Variants in TIAL1 observed in about 807,000 individuals in gnomAD.
TIAL1 encodes the protein TIA1 cytotoxic granule associated RNA binding protein like 1, also known as nucleolysin TIAR.
A neutral mutation model predicts 59.7 loss-of-function variants in TIAL1; 7 were observed. That is an observed-to-expected ratio of 0.12 (90% CI 0.07 to 0.22). The LOEUF (loss-of-function observed/expected upper bound fraction) is 0.22, where lower values mean the gene tolerates loss of function less well. Among genes scored for constraint, TIAL1 ranks in the 10% least tolerant of loss-of-function variants. The pLI, the probability that TIAL1 is intolerant of heterozygous loss-of-function variation, is 1.00. For synonymous variants in TIAL1, 149 were observed against 146.3 expected (o/e 1.02, Z -0.13); for missense variants, 225 against 462.5 (o/e 0.49, Z 4.71).
At chr10:119,594,884 A>G (rs1036108485) in intron 1 of TIAL1, among the ~76,000 whole-genome samples, 1 of 152,160 alleles carries the variant, frequency 6.6e-6, no homozygotes, top group Admixed American at 6.5e-5. Context: ...CGGCCTCCCA[A>G]AGTGCTGGGA....
intron 2 of TIAL1, among the ~76,000 whole-genome samples, chr10:119,584,483 G>A (rs546723889): frequency 1.9e-4 from 29 of 152,182 alleles, no homozygotes; most frequent in Admixed American, 4.6e-4. Context: ...CTCTGCTAGA[G>A]TTTATACCCT....
intron 5 of TIAL1, chr10:119,580,296 T>C: frequency 2.9e-6 from 1 of 344,092 alleles, no homozygotes; most frequent in Non-Finnish European, 5.0e-6. Flanking sequence ...CCCTTTCTAA[T>C]ATTCTATTTA....
At chr10:119,593,503 C>T in intron 1 of TIAL1, 1 of 985,756 alleles carries the variant, frequency 1.0e-6, no homozygotes, top group Middle Eastern at 5.2e-4. Context: ...TATGTCTTAG[C>T]TTGTGTGTGT....
rs199679065 is a variant in TIAL1 at position 119,592,680 on chromosome 10, TATTTC to T, written c.32+3749_32+3753del. 6.7e-4 allele frequency among the ~76,000 whole-genome samples: 102 copies of T among 152,278 alleles called. No individual in the cohort carries two copies. In the East Asian group the frequency reaches 0.019, roughly 29 times the overall value. ...TTAATTGTTCAATTTGTCGGTACAG[TATTTC>T]ATTTTAGGAAGGAGGCATGATGGAA... On this transcript the variant is annotated intron_variant, in intron 1 of 11. Coordinates refer to ENST00000436547, the MANE Select transcript of TIAL1 (RefSeq NM_003252.4).
chr10:119,596,763 A>AG lies in TIAL1; in HGVS notation c.-299dup. On this transcript the variant is annotated 5_prime_UTR_variant, in exon 1 of 12. Coordinates refer to ENST00000436547, the MANE Select transcript of TIAL1 (RefSeq NM_003252.4). ...CTCAGGCCAGCCGCGACAGCCTGCA[A>AG]GGGGGACGACCGAGGGGAGAGAAAA... The AG allele has an allele frequency of 2.0e-6, 1 of 497,228 alleles. No homozygotes were observed. Among genetic ancestry groups the AG allele is most frequent in the Non-Finnish European group, 3.6e-6 (1 of 276,524 alleles). 30.8% of individuals were successfully genotyped at this position (497,228 alleles called of 1,614,324 possible).
rs182615251 is a variant in TIAL1, at chr10:119,584,173, G to A, written c.130-1616C>T. On this transcript the variant is annotated intron_variant, in intron 2 of 11. Transcript: ENST00000436547. ...GCCAGCTCCCAATCAATGTATGCAC[G>A]TGCATGTATATATACACATATATTC... Among the ~76,000 whole-genome samples the A allele has an allele frequency of 9.8e-4, 134 of 137,254 alleles. 1 individual carries two copies. The highest frequency in any genetic ancestry group is 7.7e-4 in the East Asian group (4 of 5,172). 90.0% of individuals were successfully genotyped at this position (137,254 alleles called of 152,430 possible). A position where few individuals can be genotyped will look rare whatever the true frequency, so the allele number is the denominator to read the frequency against.
chr10:119,577,762 G>A (rs1395570429), intron 7 of TIAL1, 26 bp from the exon 8 acceptor site: 9 of 1,553,692 alleles, frequency 5.8e-6, no homozygotes, highest in African/African-American at 4.1e-5. Context: ...AAACAAAAAC[G>A]TTGACTGTTA....
chr10:119,590,688 C>T (rs1034589628), intron 1 of TIAL1, among the ~76,000 whole-genome samples: 19 of 149,120 alleles, frequency 1.3e-4, no homozygotes, highest in African/African-American at 4.2e-4. Flanking sequence ...CCAACCTGGG[C>T]GACAGAGTGA....
chr10:119,596,188 A>C (rs1256972145), intron 1 of TIAL1, among the ~76,000 whole-genome samples: 1 of 152,114 alleles, frequency 6.6e-6, no homozygotes, highest in Non-Finnish European at 1.5e-5. Context: ...AGGGCATGCA[A>C]AGAAGGACGC....
chr10:119,590,815 A>G (rs1845842848), intron 1 of TIAL1, among the ~76,000 whole-genome samples: 1 of 149,686 alleles, frequency 6.7e-6, no homozygotes, highest in African/African-American at 2.5e-5. Context: ...AAAGAAAGAA[A>G]GAAAGAAACG....
chr10:119,577,350 A>T, intron 9 of TIAL1, 101 bp downstream of exon 9: 2 of 1,436,012 alleles, frequency 1.4e-6, no homozygotes, highest in Non-Finnish European at 1.9e-6. Flanking sequence ...TCTATACTGC[A>T]AAGAAGCACT....
intron 1 of TIAL1, among the ~76,000 whole-genome samples, chr10:119,590,734 GAGAA>G (rs1335872023): frequency 7.5e-6 from 1 of 132,804 alleles, no homozygotes; most frequent in African/African-American, 2.9e-5. Context: ...AAAAGAAAGA[GAGAA>G]AGAGAGAGAG....
intron 2 of TIAL1, among the ~76,000 whole-genome samples, chr10:119,587,807 C>T (rs1460317005): frequency 6.6e-6 from 1 of 152,198 alleles, no homozygotes; most frequent in Non-Finnish European, 1.5e-5. Context: ...TGTTCTCGCA[C>T]ATGAACACAT....
chr10:119,577,254 C>T, intron 9 of TIAL1, 51 bp from the exon 10 acceptor site: 2 of 1,556,454 alleles, frequency 1.3e-6, no homozygotes, highest in Non-Finnish European at 1.7e-6. Flanking sequence ...AAGAACCTAA[C>T]ACAATAAATA....
At position 119,593,409 on chromosome 10, in the gene TIAL1, A is replaced by C. The variant is rs144907073; in HGVS notation, c.32+3025T>G. On this transcript the variant is annotated intron_variant, in intron 1 of 11. Coordinates refer to ENST00000436547, the MANE Select transcript of TIAL1 (RefSeq NM_003252.4). ...TTCTTGCCACTTTAAATACCATCAA[A>C]TAAATTAGTAATACTGTAGGTAATG... 1.2e-4 allele frequency: 105 copies of C among 905,950 alleles called. No individual in the cohort carries two copies. In the South Asian group the frequency reaches 1.3e-3, roughly 11 times the overall value. The allele number at this position is 905,950 out of a possible 1,614,324, so 56.1% of individuals were successfully genotyped here. A position where few individuals can be genotyped will look rare whatever the true frequency, so the allele number is the denominator to read the frequency against.
intron 6 of TIAL1, 134 bp from the exon 7 acceptor site, chr10:119,578,968 G>A (rs566073395): frequency 9.1e-5 from 60 of 661,484 alleles, no homozygotes; most frequent in Non-Finnish European, 1.4e-4. Flanking sequence ...TAAACAAAAC[G>A]AAACTGAACT....
intron 1 of TIAL1, among the ~76,000 whole-genome samples, chr10:119,591,273 C>T (rs1241809834): frequency 6.6e-6 from 1 of 152,018 alleles, no homozygotes. Flanking sequence ...GGCATGGTGG[C>T]GGGCACCTGT....
intron 6 of TIAL1, 38 bp downstream of exon 6, chr10:119,579,897 T>A: frequency 6.7e-7 from 1 of 1,501,558 alleles, no homozygotes; most frequent in East Asian, 2.4e-5. Context: ...TGACTAAATT[T>A]AGTATTAAAA....
At chr10:119,591,620 A>G (rs1845885252) in intron 1 of TIAL1, among the ~76,000 whole-genome samples, 1 of 152,184 alleles carries the variant, frequency 6.6e-6, no homozygotes, top group Non-Finnish European at 1.5e-5. Context: ...ATCTCCACTA[A>G]AAGTTAAATG....
Sources: gnomAD v4.1 joint callset for allele counts (sites outside exome capture counted in the v4.1 genomes callset) on GRCh38, gnomAD v4.1.1 for gene constraint, MANE v1.5 for transcripts, NCBI Gene and HGNC (gene_info 2026-07-23, HGNC 2026-07-21) for gene names.